Variants in BAZ1A observed in about 807,000 individuals in gnomAD.
BAZ1A encodes the protein bromodomain adjacent to zinc finger domain 1A, also known as bromodomain adjacent to zinc finger domain protein 1A.
In BAZ1A, 50 loss-of-function variants were observed where a neutral mutation model predicts 185.2. That is an observed-to-expected ratio of 0.27 (90% CI 0.22 to 0.34). The LOEUF (loss-of-function observed/expected upper bound fraction) is 0.34, where lower values mean the gene tolerates loss of function less well. Among genes scored for constraint, BAZ1A ranks in the 10% least tolerant of loss-of-function variants. The pLI is 1.00. For missense variants in BAZ1A, 1,356 were observed against 1,839.9 expected (o/e 0.74, Z 4.81); for synonymous variants, 571 against 615.6 (o/e 0.93, Z 1.07).
chr14:34,794,723 T>C, intron 11 of BAZ1A, 26 bp downstream of exon 11: 3 of 1,597,496 alleles, frequency 1.9e-6, no homozygotes, highest in Non-Finnish European at 2.6e-6. Flanking sequence ...AACTATAATG[T>C]AGCAATAGAT....
intron 6 of BAZ1A, among the ~76,000 whole-genome samples, chr14:34,804,089 C>T (rs1317429728): frequency 6.6e-6 from 1 of 152,154 alleles, no homozygotes; most frequent in African/African-American, 2.4e-5. Flanking sequence ...CTCACTGCAA[C>T]TTCTGCCTCC....
intron 25 of BAZ1A, among the ~76,000 whole-genome samples, chr14:34,756,437 G>T (rs1030513909): frequency 6.8e-6 from 1 of 146,414 alleles, no homozygotes; most frequent in Non-Finnish European, 1.5e-5. Flanking sequence ...GATTACAGGC[G>T]TGACACACTG....
At chr14:34,866,057 G>A (rs1192684711) in intron 2 of BAZ1A, among the ~76,000 whole-genome samples, 6 of 152,038 alleles carry the variant, frequency 3.9e-5, no homozygotes, top group Admixed American at 2.6e-4. Context: ...GCCAGGGGGC[G>A]CACATCTATA....
chr14:34,807,232 CT>C (rs1287208132), intron 6 of BAZ1A, among the ~76,000 whole-genome samples: 5 of 151,426 alleles, frequency 3.3e-5, no homozygotes, highest in Non-Finnish European at 7.4e-5. Context: ...CCTTGTTGAT[CT>C]TTTTTGTAAG....
At chr14:34,845,995 CTG>C (rs2042506396) in intron 3 of BAZ1A, among the ~76,000 whole-genome samples, 1 of 151,872 alleles carries the variant, frequency 6.6e-6, no homozygotes, top group Non-Finnish European at 1.5e-5. Context: ...AGATCTGAAA[CTG>C]TAGTAACCAT....
At chr14:34,850,605 T>C (rs1277208981) in intron 3 of BAZ1A, among the ~76,000 whole-genome samples, 3 of 152,210 alleles carry the variant, frequency 2.0e-5, no homozygotes, top group Admixed American at 1.3e-4. Flanking sequence ...TCCAAAGAAT[T>C]TGAACTATTA....
chr14:34,771,411 T>A, intron 21 of BAZ1A, 100 bp downstream of exon 21: 2 of 1,157,194 alleles, frequency 1.7e-6, no homozygotes, highest in South Asian at 1.7e-5. Flanking sequence ...TTTAAGATTA[T>A]CAATTTCATT....
rs1400329497 is a variant in BAZ1A at position 34,753,629 on chromosome 14, T to C, written c.4550A>G (p.Lys1517Arg). ...EYNPRNTSEAKAGTRLQAFFH... is the reference protein window; with the variant it reads ...EYNPRNTSEARAGTRLQAFFH... ...AAATGCTTGAAGCCTAGTTCCAGCTTTTGCTTCACTTGTGTTACGAGGGTT... is the reference window on the plus strand; with the variant it reads ...AAATGCTTGAAGCCTAGTTCCAGCTCTTGCTTCACTTGTGTTACGAGGGTT... The change falls in exon 27 of 27, where the codon AAA becomes AGA. Residue 1517 changes from lysine to arginine, a missense_variant. Lys to Arg is a conservative substitution (Grantham distance 26). This residue lies in a region of BAZ1A where 61 missense variants were observed against 117.9 expected (regional missense o/e 0.52). Coordinates refer to ENST00000360310, the MANE Select transcript of BAZ1A (RefSeq NM_013448.3). 1 of 1,614,026 alleles carries C rather than the reference T, an allele frequency of 6.2e-7. No individual in the cohort carries two copies. Among genetic ancestry groups the C allele is most frequent in the South Asian group, 1.1e-5 (1 of 91,080 alleles).
chr14:34,814,473 G>T (rs2041976498), intron 4 of BAZ1A, among the ~76,000 whole-genome samples: 1 of 151,690 alleles, frequency 6.6e-6, no homozygotes, highest in Admixed American at 6.6e-5. Flanking sequence ...CTTGTATATG[G>T]ACCTTTTTTG....
At chr14:34,843,405 C>G (rs776218853) in intron 3 of BAZ1A, among the ~76,000 whole-genome samples, 1 of 152,148 alleles carries the variant, frequency 6.6e-6, no homozygotes, top group South Asian at 2.1e-4. Flanking sequence ...GATCTTTCTA[C>G]CATCTTGTGA....
chr14:34,850,203 C>A (rs28540480), intron 3 of BAZ1A, among the ~76,000 whole-genome samples: 131 of 152,174 alleles, frequency 8.6e-4, no homozygotes, highest in African/African-American at 3.0e-3. Flanking sequence ...CATGGCGATA[C>A]CCCATCTCCA....
intron 4 of BAZ1A, among the ~76,000 whole-genome samples, chr14:34,820,101 C>CCA (rs1157291691): frequency 7.0e-6 from 1 of 142,948 alleles, no homozygotes; most frequent in Non-Finnish European, 1.5e-5. Flanking sequence ...GATCTTTTGC[C>CCA]ATTTTTTAAT....
intron 3 of BAZ1A, among the ~76,000 whole-genome samples, chr14:34,827,651 C>T (rs1566583438): frequency 6.6e-6 from 1 of 150,978 alleles, no homozygotes; most frequent in South Asian, 2.1e-4. Context: ...AGGAGAATGG[C>T]GTGAACCCAG....
intron 14 of BAZ1A, among the ~76,000 whole-genome samples, 163 bp downstream of exon 14, chr14:34,785,614 G>A (rs1880388132): frequency 6.6e-6 from 1 of 152,120 alleles, no homozygotes; most frequent in Non-Finnish European, 1.5e-5. Context: ...AAATAAAAAA[G>A]ACAATCATAA....
chr14:34,763,423 A>ATTT (rs1878567357), intron 23 of BAZ1A, among the ~76,000 whole-genome samples: 25 of 145,480 alleles, frequency 1.7e-4, no homozygotes, highest in Admixed American at 1.3e-3. Flanking sequence ...CAAATGTTTA[A>ATTT]AAAAAAAAAA....
Position 34,753,649 on chromosome 14 carries a change from A to G in BAZ1A, c.4530T>C (p.Pro1510=), listed in dbSNP as rs750776391. The G allele has an allele frequency of 3.9e-5, 63 of 1,613,482 alleles. No individual in the cohort carries two copies. Among genetic ancestry groups the G allele is most frequent in the Non-Finnish European group, 5.2e-5 (61 of 1,179,590 alleles). The change falls in exon 27 of 27, where the codon CCT becomes CCC. Residue 1510 remains proline, a synonymous_variant. Coordinates refer to ENST00000360310, the MANE Select transcript of BAZ1A (RefSeq NM_013448.3). ...LMFSNCFEYN[P]RNTSEAKAGT... ...CAGCTTTTGCTTCACTTGTGTTACG[A>G]GGGTTGTATTCAAAGCAGTTCGAAA...
chr14:34,814,842 C>T (rs778123999), intron 4 of BAZ1A, among the ~76,000 whole-genome samples: 5 of 150,772 alleles, frequency 3.3e-5, no homozygotes, highest in South Asian at 2.1e-4. Flanking sequence ...GGTGCGGTCT[C>T]GGCTCACTGC....
chr14:34,784,035 G>A, intron 14 of BAZ1A, 108 bp from the exon 15 acceptor site: 1 of 993,280 alleles, frequency 1.0e-6, no homozygotes, highest in Admixed American at 3.1e-5. Flanking sequence ...AAAGAATATG[G>A]AGTAGTCTCT....
At chr14:34,830,500 C>T (rs2042225089) in intron 3 of BAZ1A, among the ~76,000 whole-genome samples, 1 of 142,390 alleles carries the variant, frequency 7.0e-6, no homozygotes, top group Non-Finnish European at 1.6e-5. Flanking sequence ...AAAGTAGGTA[C>T]CAGAAACTTG....
Sources: allele counts gnomAD v4.1 joint callset (sites outside exome capture counted in the v4.1 genomes callset), GRCh38; gene constraint gnomAD v4.1.1; regional missense constraint gnomAD v4.1.1; transcripts MANE v1.5; gene names NCBI Gene and HGNC (gene_info 2026-07-23, HGNC 2026-07-21).